Variants in SYT2 observed in about 807,000 individuals in gnomAD.
SYT2 encodes the protein synaptotagmin-2.
A neutral mutation model predicts 39.9 loss-of-function variants in SYT2; 15 were observed. That is an observed-to-expected ratio of 0.38 (90% CI 0.25 to 0.58). SYT2 has a LOEUF of 0.58. Ranked by LOEUF, SYT2 falls within the 20% of genes least tolerant of loss-of-function variation. The pLI, the probability that SYT2 is intolerant of heterozygous loss-of-function variation, is 0.70. For synonymous variants in SYT2, 181 were observed against 204.5 expected (o/e 0.89, Z 0.98); for missense variants, 389 against 530.3 (o/e 0.73, Z 2.62).
chr1:202,630,454 G>A, intron 1 of SYT2: 1 of 952,186 alleles, frequency 1.1e-6, no homozygotes, highest in Non-Finnish European at 1.3e-6. Context: ...AGCCACTGAG[G>A]AAAGGCTTCC....
chr1:202,616,492 A>G (rs552140928), intron 1 of SYT2, among the ~76,000 whole-genome samples: 13 of 152,044 alleles, frequency 8.6e-5, no homozygotes, highest in Non-Finnish European at 1.6e-4. Context: ...GCACACACAT[A>G]CACATATGCA....
chr1:202,606,187 A>G (rs1269741289), intron 1 of SYT2, among the ~76,000 whole-genome samples: 1 of 152,128 alleles, frequency 6.6e-6, no homozygotes, highest in Non-Finnish European at 1.5e-5. Flanking sequence ...AAAATAACCT[A>G]ATGGTTTTTA....
intron 1 of SYT2, among the ~76,000 whole-genome samples, chr1:202,613,068 CTTTTTTTTTTT>C (rs146069389): frequency 1.0e-3 from 75 of 75,114 alleles, no homozygotes; most frequent in Non-Finnish European, 1.6e-3. Flanking sequence ...TTGGTTCTTC[CTTTTTTTTTTT>C]TTTTTTTTTT....
At chr1:202,695,769 C>T (rs895450160) in intron 1 of SYT2, among the ~76,000 whole-genome samples, 1 of 152,186 alleles carries the variant, frequency 6.6e-6, no homozygotes, top group Non-Finnish European at 1.5e-5. Context: ...ATCGCCCCTG[C>T]CTCCATGCAA....
intron 1 of SYT2, among the ~76,000 whole-genome samples, chr1:202,681,745 C>T (rs985424960): frequency 6.6e-6 from 1 of 152,208 alleles, no homozygotes; most frequent in Non-Finnish European, 1.5e-5. Flanking sequence ...ATCCCCACTC[C>T]CCTGCCAGTC....
rs1468502591 is a variant in SYT2 at position 202,667,479 on chromosome 1, G to A, written c.-18+42779C>T. 1.3e-4 allele frequency among the ~76,000 whole-genome samples: 6 copies of A among 45,960 alleles called. No homozygotes were observed. The East Asian group carries it at 5.2e-3, about 40-fold the overall frequency. The allele number at this position is 45,960 out of a possible 152,430, so 30.2% of individuals were successfully genotyped here. ...CAAGTGACCAGCCGTGTGTGTGTGT[G>A]TGTGTGTGTGTGTGTGTGTGTGTGT... On this transcript the variant is annotated intron_variant, in intron 1 of 8. Transcript: ENST00000367268.
intron 1 of SYT2, among the ~76,000 whole-genome samples, chr1:202,683,740 TAAAAAA>T (rs36091072): frequency 1.5e-5 from 2 of 132,564 alleles, no homozygotes; most frequent in African/African-American, 2.8e-5. Context: ...AGACCCTGTT[TAAAAAA>T]AAAAAAAAAA....
rs1016240053 is a variant in SYT2 at position 202,595,137 on chromosome 1, A to C, written c.*1620T>G. 3.3e-5 allele frequency: 5 copies of C among 152,354 alleles called. No homozygotes were observed. The highest frequency in any genetic ancestry group is 2.0e-4 in the Admixed American group (3 of 15,288). 9.4% of individuals were successfully genotyped at this position (152,354 alleles called of 1,614,324 possible). ...ATGGATGGAAAAGAGAGGTCAAAGG[A>C]AGGCAGGCAAGGAGGGCTGGCCTCT... On this transcript the variant is annotated 3_prime_UTR_variant, in exon 9 of 9. Transcript: ENST00000367268.
In SYT2 at chr1:202,600,338, C is replaced by G. The variant is rs946521673; in HGVS notation, c.919+19G>C. 1.2e-6 allele frequency: 2 copies of G among 1,608,860 alleles called. No homozygotes were observed. The highest frequency in any genetic ancestry group is 1.1e-5 in the South Asian group (1 of 90,954). ...GCTCGCTGGTGCCACCCAATGGCAG[C>G]CAGAAGCTCTCCACGTACCTGAAAG... On this transcript the variant is annotated intron_variant, in intron 7 of 8. Transcript: ENST00000367268.
rs370763889 is a variant in SYT2, at chr1:202,599,258, T to C, written c.1013A>G (p.Asn338Ser). 6.2e-7 allele frequency: 1 copy of C among 1,613,118 alleles called. No individual in the cohort carries two copies. The highest frequency in any genetic ancestry group is 1.3e-5 in the African/African-American group (1 of 74,998). ...GGGGATCTCAAAGCTGAAGGACTCGTTGAAGTATGGGTTCAGGGTCTTCTT... is the reference window on the plus strand; with the variant it reads ...GGGGATCTCAAAGCTGAAGGACTCGCTGAAGTATGGGTTCAGGGTCTTCTT... ...VKKKTLNPYF[N>S]ESFSFEIPFE... Residue 338 changes from asparagine (N) to serine (S), a missense_variant, in exon 8 of 9, where the codon AAC becomes AGC. Physicochemically the swap from Asn to Ser is conservative, Grantham distance 46. Coordinates refer to ENST00000367268, the MANE Select transcript of SYT2 (RefSeq NM_177402.5). The surrounding 1 kb of genome is among the most constrained non-coding windows in gnomAD (Gnocchi z 4.4).
intron 1 of SYT2, among the ~76,000 whole-genome samples, chr1:202,609,106 C>T (rs1458322465): frequency 2.0e-5 from 3 of 147,016 alleles, no homozygotes; most frequent in Non-Finnish European, 4.5e-5. Context: ...CAATTCCCAC[C>T]TATGAGTGAG....
At chr1:202,615,756 A>G (rs1310847617) in intron 1 of SYT2, among the ~76,000 whole-genome samples, 2 of 152,018 alleles carry the variant, frequency 1.3e-5, no homozygotes, top group Non-Finnish European at 2.9e-5. Context: ...CCCATCCCAC[A>G]GTCTTGGCAC....
rs368640046 is a variant in SYT2 at position 202,699,844 on chromosome 1, C to T, written c.-18+10414G>A. ...CTCCATCCAGCATGGTCTCGTATGT[C>T]GGTTTTCCCTTGATCACCGTTGAGT... On this transcript the variant is annotated intron_variant, in intron 1 of 8. Coordinates refer to ENST00000367268, the MANE Select transcript of SYT2 (RefSeq NM_177402.5). Among the ~76,000 whole-genome samples, 16 of 151,948 alleles carry T rather than the reference C, an allele frequency of 1.1e-4. No individual in the cohort carries two copies. In the East Asian group the frequency reaches 2.1e-3, roughly 20 times the overall value.
intron 1 of SYT2, among the ~76,000 whole-genome samples, chr1:202,625,740 G>A (rs1373467485): frequency 3.3e-5 from 5 of 152,138 alleles, no homozygotes; most frequent in South Asian, 2.1e-4. Flanking sequence ...ACCCTGGAAA[G>A]GAGGAGGTGG....
intron 1 of SYT2, among the ~76,000 whole-genome samples, chr1:202,619,320 G>A (rs1289199535): frequency 6.6e-6 from 1 of 152,194 alleles, no homozygotes; most frequent in African/African-American, 2.4e-5. Flanking sequence ...GAGCAGGAAA[G>A]CATGAAATGG....
intron 1 of SYT2, among the ~76,000 whole-genome samples, chr1:202,674,345 G>A (rs1359878680): frequency 2.0e-5 from 3 of 152,006 alleles, no homozygotes; most frequent in East Asian, 1.9e-4. Flanking sequence ...CAGTTAATCC[G>A]CCCACCTCAG....
chr1:202,703,171 C>T (rs1654163548), intron 1 of SYT2, among the ~76,000 whole-genome samples: 1 of 152,146 alleles, frequency 6.6e-6, no homozygotes, highest in Non-Finnish European at 1.5e-5. Context: ...GTCTTTGGAG[C>T]TCAGAGCACT....
intron 1 of SYT2, among the ~76,000 whole-genome samples, chr1:202,683,357 C>T (rs1487903460): frequency 2.0e-5 from 3 of 152,164 alleles, no homozygotes; most frequent in Non-Finnish European, 4.4e-5. Context: ...CAAGGAAATA[C>T]AACACATCAA....
In SYT2 at chr1:202,594,887, T is replaced by A. The variant is rs1690233364; in HGVS notation, c.*1870A>T. 6.6e-6 allele frequency: 1 copy of A among 152,192 alleles called. No homozygotes were observed. The highest frequency in any genetic ancestry group is 1.5e-5 in the Non-Finnish European group (1 of 68,066). The allele number at this position is 152,192 out of a possible 1,614,324, so 9.4% of individuals were successfully genotyped here. A position where few individuals can be genotyped will look rare whatever the true frequency, so the allele number is the denominator to read the frequency against. ...AAACCAAAAGCCCCTTCCCCCTTTT[T>A]AAAATAAAATAAAAAGACACTCTGC... On this transcript the variant is annotated 3_prime_UTR_variant, in exon 9 of 9. Transcript: ENST00000367268.
Sources: allele counts gnomAD v4.1 joint callset (sites outside exome capture counted in the v4.1 genomes callset), GRCh38; gene constraint gnomAD v4.1.1; non-coding constraint Gnocchi (gnomAD v3.1); transcripts MANE v1.5; gene names NCBI Gene and HGNC (gene_info 2026-07-23, HGNC 2026-07-21).